SLCO1A2: variants seen among roughly 807,000 people sequenced by gnomAD.
SLCO1A2 encodes the protein solute carrier organic anion transporter family member 1A2, also known as OATP-1.
A neutral mutation model predicts 69.0 loss-of-function variants in SLCO1A2; 67 were observed. The observed-to-expected ratio is 0.97, with a 90% confidence interval of 0.80 to 1.19. The LOEUF is 1.19. SLCO1A2 is among the 50% of genes most tolerant of loss of function. The pLI, the probability that SLCO1A2 is intolerant of heterozygous loss-of-function variation, is 0.00. For synonymous variants in SLCO1A2, 260 were observed against 265.9 expected (o/e 0.98, Z 0.22); for missense variants, 787 against 793.7 (o/e 0.99, Z 0.10).
chr12:21,277,959 C>T (rs1200610187), intron 12 of SLCO1A2, among the ~76,000 whole-genome samples: 1 of 152,150 alleles, frequency 6.6e-6, no homozygotes, highest in African/African-American at 2.4e-5. Flanking sequence ...GATTCTGGGC[C>T]TTGGGTCTTG....
At chr12:21,333,827 A>C (rs910850550) in intron 2 of SLCO1A2, among the ~76,000 whole-genome samples, 1 of 152,164 alleles carries the variant, frequency 6.6e-6, no homozygotes, top group South Asian at 2.1e-4. Context: ...TTAACATACC[A>C]TTTCAGGCAA....
intron 2 of SLCO1A2, among the ~76,000 whole-genome samples, chr12:21,344,017 G>A (rs1953166441): frequency 1.3e-5 from 2 of 152,154 alleles, no homozygotes; most frequent in African/African-American, 2.4e-5. Flanking sequence ...GATAAATAGT[G>A]TCCTTTAAAT....
chr12:21,275,168 G>A (rs923701001), intron 13 of SLCO1A2, 192 bp downstream of exon 13: 1 of 751,270 alleles, frequency 1.3e-6, no homozygotes, highest in South Asian at 4.3e-5. Flanking sequence ...GGGAAGGGGG[G>A]AGGGATAGCA....
At chr12:21,299,402 C>T (rs1382015458) in intron 8 of SLCO1A2, among the ~76,000 whole-genome samples, 1 of 152,022 alleles carries the variant, frequency 6.6e-6, no homozygotes, top group African/African-American at 2.4e-5. Context: ...TTTACCCTTT[C>T]ATTTGCTGGA....
At chr12:21,413,427 A>G (rs1188691631) in intron 1 of SLCO1A2, among the ~76,000 whole-genome samples, 1 of 151,450 alleles carries the variant, frequency 6.6e-6, no homozygotes. Flanking sequence ...TTTTTAGTAG[A>G]GACAGGGTTT....
At chr12:21,361,867 C>T (rs564558932) in intron 2 of SLCO1A2, among the ~76,000 whole-genome samples, 1 of 152,084 alleles carries the variant, frequency 6.6e-6, no homozygotes, top group South Asian at 2.1e-4. Context: ...AAGAAATGAA[C>T]AAAGCCTCCA....
At chr12:21,279,825 G>A (rs1340412358) in intron 12 of SLCO1A2, among the ~76,000 whole-genome samples, 1 of 152,162 alleles carries the variant, frequency 6.6e-6, no homozygotes, top group Admixed American at 6.5e-5. Context: ...TAACTGTGAT[G>A]TATAAACTAC....
rs139371723 is a variant in SLCO1A2 at position 21,385,098 on chromosome 12, G to C, written c.-190+9808C>G. Among the ~76,000 whole-genome samples the C allele has an allele frequency of 1.7e-3, 255 of 151,986 alleles. 3 individuals are homozygous for C. The highest frequency in any genetic ancestry group is 6.0e-3 in the African/African-American group (248 of 41,450). On this transcript the variant is annotated intron_variant, in intron 1 of 15. Coordinates refer to the SLCO1A2 transcript ENST00000307378. ...TTTAAAAACTCTTTTTTACCTTCATGGACATAATGCCCTGATTATCATATA... is the reference window on the plus strand; with the variant it reads ...TTTAAAAACTCTTTTTTACCTTCATCGACATAATGCCCTGATTATCATATA...
At chr12:21,295,963 T>C (rs983233233) in intron 9 of SLCO1A2, among the ~76,000 whole-genome samples, 171 bp from the exon 10 acceptor site, 1 of 152,206 alleles carries the variant, frequency 6.6e-6, no homozygotes, top group Non-Finnish European at 1.5e-5. Context: ...CAGGGAGATT[T>C]TGAAATGCCC....
intron 3 of SLCO1A2, among the ~76,000 whole-genome samples, chr12:21,317,885 T>C (rs1440953864): frequency 2.6e-5 from 4 of 152,192 alleles, no homozygotes; most frequent in African/African-American, 9.6e-5. Context: ...CTCTCTATGG[T>C]CACATATTCC....
intron 11 of SLCO1A2, 38 bp from the exon 12 acceptor site, chr12:21,292,374 TC>T: frequency 6.5e-7 from 1 of 1,541,916 alleles, no homozygotes; most frequent in African/African-American, 1.4e-5. Context: ...GAAGTAAAAA[TC>T]TTGAACACAA....
intron 2 of SLCO1A2, 74 bp downstream of exon 2, chr12:21,334,514 G>A (rs1952806591): frequency 9.4e-7 from 1 of 1,062,708 alleles, no homozygotes; most frequent in South Asian, 1.4e-5. Context: ...GCAGATAGGA[G>A]CAATTTTACC....
intron 12 of SLCO1A2, among the ~76,000 whole-genome samples, chr12:21,289,384 G>GACA (rs1946479530): frequency 6.6e-6 from 1 of 152,050 alleles, no homozygotes; most frequent in Admixed American, 6.6e-5. Context: ...GTAATGAGAC[G>GACA]ACAGGGTGGC....
chr12:21,298,401 G>A (rs1003649941), intron 8 of SLCO1A2, among the ~76,000 whole-genome samples: 2 of 152,076 alleles, frequency 1.3e-5, no homozygotes, highest in Admixed American at 1.3e-4. Context: ...TACCATTCAG[G>A]CTCAAGTTCT....
rs181232356 is a variant in SLCO1A2, at chr12:21,276,885, C to A, written c.1611-1461G>T. On this transcript the variant is annotated intron_variant, in intron 12 of 14. Transcript: ENST00000683939. The stretch of plus-strand genomic sequence containing the variant: ...ACCAGAAAGTAATCACCCAGCCCCA[C>A]AGTTAGAACTTGAGTTCCAGCAAGC... 2.4e-3 allele frequency among the ~76,000 whole-genome samples: 362 copies of A among 152,372 alleles called. 1 individual carries two copies. The highest frequency in any genetic ancestry group is 8.4e-3 in the African/African-American group (350 of 41,596).
intron 4 of SLCO1A2, among the ~76,000 whole-genome samples, chr12:21,312,068 GGAA>G (rs1370538541): frequency 1.2e-4 from 16 of 130,434 alleles, no homozygotes; most frequent in South Asian, 2.1e-4. Flanking sequence ...AAGAAGAAGA[GGAA>G]GAAGAAGAGG....
At chr12:21,302,309 C>T (rs1948810026) in intron 6 of SLCO1A2, among the ~76,000 whole-genome samples, 1 of 152,074 alleles carries the variant, frequency 6.6e-6, no homozygotes, top group Admixed American at 6.6e-5. Context: ...ATCTTCCTAG[C>T]TTTCTAGGTT....
chr12:21,354,939 A>G (rs943423621), intron 2 of SLCO1A2: 1 of 151,994 alleles, frequency 6.6e-6, no homozygotes, highest in Non-Finnish European at 1.5e-5. Context: ...CACTCCTTGG[A>G]TTATATACTC....
At chr12:21,357,833 A>G (rs947506819) in intron 2 of SLCO1A2, among the ~76,000 whole-genome samples, 1 of 152,230 alleles carries the variant, frequency 6.6e-6, no homozygotes, top group Non-Finnish European at 1.5e-5. Context: ...AAAATATGAA[A>G]ACAGTATTAG....
Sources: gnomAD v4.1 joint callset for allele counts (sites outside exome capture counted in the v4.1 genomes callset) on GRCh38, gnomAD v4.1.1 for gene constraint, MANE v1.5 for transcripts, NCBI Gene and HGNC (gene_info 2026-07-23, HGNC 2026-07-21) for gene names.